Variants in GALNT14 observed in about 807,000 individuals in gnomAD.
GALNT14 encodes UDP-GalNAc:polypeptide N-acetylgalactosaminyltransferase 14.
GALNT14 carries 60 observed loss-of-function variants against 77.5 expected under a neutral mutation model. The ratio of observed to expected loss-of-function variants is 0.77; its 90% CI spans 0.63 to 0.96. The LOEUF is 0.96. Ranked by LOEUF, GALNT14 falls within the 40% of genes least tolerant of loss-of-function variation. The pLI is 0.00. For missense variants in GALNT14, 710 were observed against 731.0 expected (o/e 0.97, Z 0.33); for synonymous variants, 280 against 281.7 (o/e 0.99, Z 0.06).
intron 2 of GALNT14, among the ~76,000 whole-genome samples, chr2:30,978,574 A>G (rs185185291): frequency 3.8e-4 from 58 of 152,258 alleles, no homozygotes; most frequent in Non-Finnish European, 7.1e-4. Flanking sequence ...AACGTGGATA[A>G]TTCTCTGTTG....
rs559293572 is a variant in GALNT14, at chr2:31,024,856, G to A, written c.130-31849C>T. Among the ~76,000 whole-genome samples the A allele has an allele frequency of 1.6e-4, 25 of 152,220 alleles. 1 individual carries two copies. The South Asian group carries it at 5.2e-3, about 32-fold the overall frequency. On this transcript the variant is annotated intron_variant, in intron 1 of 14. Transcript: ENST00000349752. ...GGAACCACTGAAAAATTCTAAGTGTGACCCCACACGGCAGGGCTCTAGGAC... is the reference window on the plus strand; with the variant it reads ...GGAACCACTGAAAAATTCTAAGTGTAACCCCACACGGCAGGGCTCTAGGAC...
chr2:30,951,544 T>A (rs1320239539), intron 6 of GALNT14, among the ~76,000 whole-genome samples: 1 of 152,210 alleles, frequency 6.6e-6, no homozygotes, highest in Non-Finnish European at 1.5e-5. Context: ...GCAGTGGTGA[T>A]TACACAACCT....
At chr2:31,117,158 G>C (rs975849350) in intron 1 of GALNT14, among the ~76,000 whole-genome samples, 2 of 152,040 alleles carry the variant, frequency 1.3e-5, no homozygotes, top group Non-Finnish European at 2.9e-5. Context: ...GAAAAGTAGA[G>C]ATTTGATAGG....
intron 8 of GALNT14, among the ~76,000 whole-genome samples, chr2:30,943,739 T>C (rs1666517936): frequency 6.6e-6 from 1 of 152,182 alleles, no homozygotes; most frequent in Admixed American, 6.5e-5. Context: ...TGAAGGACTT[T>C]GTCCTGGGTA....
chr2:31,028,531 C>T (rs1558506216), intron 1 of GALNT14, among the ~76,000 whole-genome samples: 1 of 152,262 alleles, frequency 6.6e-6, no homozygotes, highest in Admixed American at 6.5e-5. Flanking sequence ...GCTAGAGCCG[C>T]CACCACCTGC....
chr2:30,891,241 A>AGC, the GALNT14 span, among the ~76,000 whole-genome samples: 1 of 152,216 alleles, frequency 6.6e-6, no homozygotes, highest in Non-Finnish European at 1.5e-5. Context: ...CCCAGGCTCC[A>AGC]GCCACTGAGA....
At position 30,955,666 on chromosome 2, in the gene GALNT14, A is replaced by G. The variant is rs769639899; in HGVS notation, c.606T>C (p.Cys202=). ...GTTLTFLDSH[C]EVNRDWLQPL... ...GCTGGAGCCAGTCCCTGTTCACCTC[A>G]CAGTGGCTGTCGAGGAAAGTCAGAG... Residue 202 remains cysteine, a synonymous_variant, in exon 6 of 15, where the codon TGT becomes TGC. Coordinates refer to ENST00000349752, the MANE Select transcript of GALNT14 (RefSeq NM_024572.4). The G allele has an allele frequency of 1.9e-6, 3 of 1,614,084 alleles. No homozygotes were observed. In the East Asian group the frequency reaches 6.7e-5, roughly 36 times the overall value.
At chr2:30,969,228 G>A (rs777392491) in intron 2 of GALNT14, among the ~76,000 whole-genome samples, 8 of 152,348 alleles carry the variant, frequency 5.3e-5, no homozygotes, top group Non-Finnish European at 1.2e-4. Context: ...CACCAGGACC[G>A]GGTGTGTCCA....
the GALNT14 span, among the ~76,000 whole-genome samples, chr2:30,900,706 G>C: frequency 6.6e-6 from 1 of 152,132 alleles, no homozygotes; most frequent in Non-Finnish European, 1.5e-5. Flanking sequence ...GCATTTGAAA[G>C]GAAAAAGGGA....
chr2:31,078,076 C>T (rs149132247), intron 1 of GALNT14, among the ~76,000 whole-genome samples: 9 of 152,238 alleles, frequency 5.9e-5, no homozygotes, highest in African/African-American at 1.7e-4. Flanking sequence ...AAATGCAGGA[C>T]AAAATGGAAA....
chr2:31,090,105 G>A (rs1199748213), intron 1 of GALNT14, among the ~76,000 whole-genome samples: 2 of 152,102 alleles, frequency 1.3e-5, no homozygotes, highest in African/African-American at 4.8e-5. Context: ...ACCCTCCCAA[G>A]TTCCCATCAT....
chr2:31,071,830 G>T (rs1415401154), intron 1 of GALNT14, among the ~76,000 whole-genome samples: 1 of 152,186 alleles, frequency 6.6e-6, no homozygotes, highest in Non-Finnish European at 1.5e-5. Context: ...AAATGAAAAT[G>T]CAGGATTCTT....
intron 1 of GALNT14, among the ~76,000 whole-genome samples, chr2:31,071,968 G>A (rs2148564734): frequency 6.6e-6 from 1 of 152,314 alleles, no homozygotes; most frequent in Non-Finnish European, 1.5e-5. Context: ...AACCACCAGT[G>A]GAGACGGTGC....
intron 9 of GALNT14, among the ~76,000 whole-genome samples, chr2:30,933,909 C>G (rs1371460112): frequency 6.6e-6 from 1 of 152,224 alleles, no homozygotes; most frequent in Non-Finnish European, 1.5e-5. Flanking sequence ...TGTGTAAACG[C>G]TAAGTGTGAT....
At chr2:30,900,322 A>G in the GALNT14 span, among the ~76,000 whole-genome samples, 2 of 152,246 alleles carry the variant, frequency 1.3e-5, no homozygotes, top group Non-Finnish European at 2.9e-5. Flanking sequence ...CATTTTCAGT[A>G]TTAAACTCTG....
the GALNT14 span, among the ~76,000 whole-genome samples, chr2:30,892,116 C>G: frequency 6.6e-6 from 1 of 152,210 alleles, no homozygotes; most frequent in Non-Finnish European, 1.5e-5. Flanking sequence ...CAGGACACAG[C>G]ATTTGCAGTT....
chr2:30,979,328 G>C (rs562989231), intron 2 of GALNT14, among the ~76,000 whole-genome samples: 6 of 152,296 alleles, frequency 3.9e-5, no homozygotes, highest in African/African-American at 1.4e-4. Flanking sequence ...ATCAGGGCTT[G>C]GGTGAAAGTC....
At chr2:30,985,410 G>C (rs1558467000) in intron 2 of GALNT14, among the ~76,000 whole-genome samples, 1 of 152,032 alleles carries the variant, frequency 6.6e-6, no homozygotes, top group East Asian at 1.9e-4. Context: ...ATCAAGACTG[G>C]GGAGGAATCC....
At chr2:31,068,874 T>C (rs986416685) in intron 1 of GALNT14, among the ~76,000 whole-genome samples, 3 of 152,220 alleles carry the variant, frequency 2.0e-5, no homozygotes, top group Admixed American at 6.5e-5. Context: ...GAGAACATCA[T>C]GGTAAATGAA....
Sources: gnomAD v4.1 joint callset for allele counts (sites outside exome capture counted in the v4.1 genomes callset) on GRCh38, gnomAD v4.1.1 for gene constraint, MANE v1.5 for transcripts, NCBI Gene and HGNC (gene_info 2026-07-23, HGNC 2026-07-21) for gene names.